Variants in OCA2 observed in about 807,000 individuals in gnomAD.
OCA2 encodes the protein P protein.
In OCA2, 77 loss-of-function variants were observed where a neutral mutation model predicts 100.2. That is an observed-to-expected ratio of 0.77 (90% CI 0.64 to 0.93). The LOEUF (loss-of-function observed/expected upper bound fraction) is 0.93. Among genes scored for constraint, OCA2 ranks in the 40% least tolerant of loss-of-function variants. OCA2 has a pLI of 0.00. For missense variants in OCA2, 1,062 were observed against 1,089.1 expected (o/e 0.98, Z 0.35); for synonymous variants, 432 against 439.2 (o/e 0.98, Z 0.21).
At chr15:27,945,498 C>T (rs1318533517) in intron 18 of OCA2, among the ~76,000 whole-genome samples, 1 of 152,132 alleles carries the variant, frequency 6.6e-6, no homozygotes, top group Non-Finnish European at 1.5e-5. Context: ...GGTGGGTGGG[C>T]GCCCTCCATC....
intron 19 of OCA2, among the ~76,000 whole-genome samples, chr15:27,887,617 C>CTTTTT (rs34199755): frequency 1.7e-5 from 2 of 120,284 alleles, no homozygotes; most frequent in Non-Finnish European, 3.3e-5. Flanking sequence ...CACTAAACCT[C>CTTTTT]TTTTTTTTTT....
chr15:27,820,379 G>A (rs1292799755), intron 23 of OCA2, among the ~76,000 whole-genome samples: 1 of 152,148 alleles, frequency 6.6e-6, no homozygotes, highest in South Asian at 2.1e-4. Context: ...CTGACAGCAC[G>A]CACTCTCCAC....
chr15:27,722,686 T>TTCTCTCTC, the OCA2 span, among the ~76,000 whole-genome samples: 1 of 146,450 alleles, frequency 6.8e-6, no homozygotes, highest in South Asian at 2.2e-4. Flanking sequence ...CTTTCTTTCT[T>TTCTCTCTC]TCTCTCTCTT....
At chr15:27,849,461 G>T (rs760997077) in intron 22 of OCA2, among the ~76,000 whole-genome samples, 2 of 151,876 alleles carry the variant, frequency 1.3e-5, no homozygotes, top group African/African-American at 2.4e-5. Context: ...GGCAAAGGCA[G>T]GTTTTTCTGA....
intron 21 of OCA2, among the ~76,000 whole-genome samples, chr15:27,851,770 C>T (rs937920117): frequency 3.3e-5 from 5 of 152,132 alleles, no homozygotes; most frequent in African/African-American, 1.2e-4. Context: ...GGCCTGAGAA[C>T]ATGGCCATTA....
In OCA2 at chr15:27,989,453, G is replaced by A. The variant is rs896934271; in HGVS notation, c.1182+148C>T. 8 of 722,380 alleles carry A rather than the reference G, an allele frequency of 1.1e-5. No homozygotes were observed. In the East Asian group the frequency reaches 2.2e-4, roughly 19 times the overall value. 44.7% of individuals were successfully genotyped at this position (722,380 alleles called of 1,614,324 possible). A position where few individuals can be genotyped will look rare whatever the true frequency, so the allele number is the denominator to read the frequency against. On this transcript the variant is annotated intron_variant, in intron 11 of 23. Transcript: ENST00000354638. ...ATAGCCCCATTCCATTCCTCCTCAGGAGATTCATGAGACCTGCACTAACAC... is the reference window on the plus strand; with the variant it reads ...ATAGCCCCATTCCATTCCTCCTCAGAAGATTCATGAGACCTGCACTAACAC...
chr15:28,061,189 C>A (rs528844445), intron 2 of OCA2, among the ~76,000 whole-genome samples: 1 of 152,318 alleles, frequency 6.6e-6, no homozygotes, highest in East Asian at 1.9e-4. Flanking sequence ...TCTGCAGAAG[C>A]CAGAAGTGAA....
intron 2 of OCA2, among the ~76,000 whole-genome samples, chr15:28,056,533 C>T (rs2043703671): frequency 6.6e-6 from 1 of 152,270 alleles, no homozygotes. Flanking sequence ...ATCTGCACAG[C>T]ACACTGCATT....
At chr15:27,728,002 G>A in the OCA2 span, among the ~76,000 whole-genome samples, 1 of 152,340 alleles carries the variant, frequency 6.6e-6, no homozygotes, top group African/African-American at 2.4e-5. Flanking sequence ...TTCCAAAGGT[G>A]TATGTCTCTC....
intron 23 of OCA2, among the ~76,000 whole-genome samples, chr15:27,799,925 G>C (rs1468201406): frequency 6.6e-6 from 1 of 152,090 alleles, no homozygotes; most frequent in Non-Finnish European, 1.5e-5. Flanking sequence ...GAGAATTATA[G>C]GAGATGAGAT....
chr15:27,850,086 T>C (rs1179155809), intron 22 of OCA2, among the ~76,000 whole-genome samples: 3 of 152,216 alleles, frequency 2.0e-5, no homozygotes, highest in African/African-American at 4.8e-5. Context: ...ATGGCACACA[T>C]TGATGTCTCT....
intron 23 of OCA2, among the ~76,000 whole-genome samples, chr15:27,793,566 T>A (rs2033183977): frequency 6.6e-6 from 1 of 152,236 alleles, no homozygotes; most frequent in African/African-American, 2.4e-5. Context: ...TTTAATCTTC[T>A]GTGGGTGGAA....
chr15:28,020,939 T>C (rs1273399654), intron 6 of OCA2, among the ~76,000 whole-genome samples: 2 of 152,020 alleles, frequency 1.3e-5, no homozygotes, highest in African/African-American at 4.8e-5. Flanking sequence ...AAGGAGAGGG[T>C]GTCCTGGGAA....
intron 23 of OCA2, among the ~76,000 whole-genome samples, chr15:27,806,227 G>A (rs1486669969): frequency 6.6e-6 from 1 of 152,188 alleles, no homozygotes; most frequent in Admixed American, 6.5e-5. Context: ...AGTAAGTTGT[G>A]TACAATCCTA....
chr15:28,083,451 G>A lies in OCA2; in HGVS notation c.-21-1556C>T, dbSNP rs367570471. ...CAGTGAGCCGAAGGCAGGCCATGTC[G>A]GCAGAATGTTCTTGTATCATAAAAG... On this transcript the variant is annotated intron_variant, in intron 1 of 23. Transcript: ENST00000354638. Among the ~76,000 whole-genome samples the A allele has an allele frequency of 1.2e-4, 19 of 152,260 alleles. No homozygotes were observed. The South Asian group carries it at 1.5e-3, about 12-fold the overall frequency.
chr15:27,807,763 T>C (rs1241453693), intron 23 of OCA2, among the ~76,000 whole-genome samples: 1 of 152,202 alleles, frequency 6.6e-6, no homozygotes, highest in Admixed American at 6.5e-5. Flanking sequence ...ACTCATGCCA[T>C]CCAACTTACT....
At chr15:27,980,155 G>A (rs1474373530) in intron 14 of OCA2, among the ~76,000 whole-genome samples, 11 of 150,836 alleles carry the variant, frequency 7.3e-5, no homozygotes, top group Non-Finnish European at 1.5e-4. Flanking sequence ...ACAGAGTCTC[G>A]CTCTGTTGCC....
chr15:27,719,142 C>G, the OCA2 span, among the ~76,000 whole-genome samples: 1 of 152,180 alleles, frequency 6.6e-6, no homozygotes, highest in East Asian at 1.9e-4. Context: ...AATAGACACC[C>G]ACTGGAATGT....
intron 14 of OCA2, among the ~76,000 whole-genome samples, chr15:27,977,113 C>G (rs1320159210): frequency 6.6e-6 from 1 of 152,102 alleles, no homozygotes; most frequent in Non-Finnish European, 1.5e-5. Context: ...AATATAACAA[C>G]TCTTATTCTT....
Sources: allele counts gnomAD v4.1 joint callset (sites outside exome capture counted in the v4.1 genomes callset), GRCh38; gene constraint gnomAD v4.1.1; transcripts MANE v1.5; gene names NCBI Gene and HGNC (gene_info 2026-07-23, HGNC 2026-07-21).